Variants in MYO1D observed in about 807,000 individuals in gnomAD.
MYO1D encodes the protein unconventional myosin-Id.
Under a neutral mutation model 122.0 loss-of-function variants are expected in MYO1D, and 83 were observed. The observed-to-expected ratio is 0.68, with a 90% confidence interval of 0.57 to 0.82. The LOEUF is 0.82. Among genes scored for constraint, MYO1D ranks in the 40% least tolerant of loss-of-function variants. The pLI is 0.00. For synonymous variants in MYO1D, 464 were observed against 446.9 expected (o/e 1.04, Z -0.48); for missense variants, 1,157 against 1,269.5 (o/e 0.91, Z 1.35).
chr17:32,695,849 A>G (rs2089164718), intron 16 of MYO1D, among the ~76,000 whole-genome samples: 1 of 152,248 alleles, frequency 6.6e-6, no homozygotes, highest in African/African-American at 2.4e-5. Context: ...AGACTCTACA[A>G]TCTAGCATTT....
chr17:32,515,062 G>A (rs745828892), intron 21 of MYO1D, among the ~76,000 whole-genome samples: 1 of 152,224 alleles, frequency 6.6e-6, no homozygotes, highest in Non-Finnish European at 1.5e-5. Context: ...CTAGTGCCAT[G>A]CCTGGCATCG....
At chr17:32,738,199 C>T in intron 14 of MYO1D, 54 bp downstream of exon 14, 3 of 1,448,990 alleles carry the variant, frequency 2.1e-6, no homozygotes, top group South Asian at 1.4e-5. Flanking sequence ...CTTTATAATA[C>T]ATCAAGAGGA....
At chr17:32,631,646 CT>C (rs983269478) in intron 20 of MYO1D, among the ~76,000 whole-genome samples, 1 of 146,954 alleles carries the variant, frequency 6.8e-6, no homozygotes, top group African/African-American at 2.5e-5. Context: ...GAACCCGTCT[CT>C]TAAAAAAAAA....
At chr17:32,834,443 A>C (rs1366357012) in intron 1 of MYO1D, among the ~76,000 whole-genome samples, 1 of 152,230 alleles carries the variant, frequency 6.6e-6, no homozygotes, top group Non-Finnish European at 1.5e-5. Flanking sequence ...CTCCAAGCTA[A>C]CAACATGTGA....
At chr17:32,625,018 T>C (rs1433029574) in intron 20 of MYO1D, among the ~76,000 whole-genome samples, 3 of 152,176 alleles carry the variant, frequency 2.0e-5, no homozygotes, top group Admixed American at 1.3e-4. Flanking sequence ...CTTGAACTCC[T>C]GGACTCAAGT....
chr17:32,826,182 A>G (rs1344756302), intron 1 of MYO1D, among the ~76,000 whole-genome samples: 1 of 151,786 alleles, frequency 6.6e-6, no homozygotes, highest in Non-Finnish European at 1.5e-5. Context: ...CTCTCCAACT[A>G]TTGGTTAGTT....
intron 21 of MYO1D, among the ~76,000 whole-genome samples, chr17:32,582,610 T>G (rs955344344): frequency 6.6e-6 from 1 of 152,212 alleles, no homozygotes; most frequent in African/African-American, 2.4e-5. Flanking sequence ...AAAGAATGTG[T>G]ATTCTGATGC....
intron 1 of MYO1D, among the ~76,000 whole-genome samples, chr17:32,824,728 A>G (rs1220067327): frequency 6.6e-6 from 1 of 152,220 alleles, no homozygotes; most frequent in East Asian, 1.9e-4. Flanking sequence ...CATTTCTAGT[A>G]AATAGAAAAC....
At chr17:32,812,683 C>T (rs1485159857) in intron 1 of MYO1D, among the ~76,000 whole-genome samples, 6 of 152,138 alleles carry the variant, frequency 3.9e-5, no homozygotes, top group Non-Finnish European at 1.5e-5. Flanking sequence ...CTGGGTAGGA[C>T]AACGGAGAGG....
chr17:32,500,823 G>T (rs1330469487), intron 21 of MYO1D, among the ~76,000 whole-genome samples: 3 of 152,056 alleles, frequency 2.0e-5, no homozygotes, highest in Non-Finnish European at 4.4e-5. Flanking sequence ...TGGCCAACAT[G>T]GTGAAACCCC....
At chr17:32,560,543 A>C (rs1397841668) in intron 21 of MYO1D, among the ~76,000 whole-genome samples, 5,983 of 73,160 alleles carry the variant, frequency 0.082, 963 homozygotes, top group African/African-American at 0.21. Flanking sequence ...ATATATATAT[A>C]TATATATATA....
rs111247346 is a variant in MYO1D, at chr17:32,542,657, G to A, written c.2865-47742C>T. 4.5e-3 allele frequency among the ~76,000 whole-genome samples: 682 copies of A among 150,208 alleles called. 7 individuals carry two copies. Among genetic ancestry groups the A allele is most frequent in the African/African-American group, 0.016 (649 of 40,932 alleles). ...CAACAGTTAGGGGACAAGAAGGAAT[G>A]ACTAGTTGCTAAATATTTCCCGTAT... On this transcript the variant is annotated intron_variant, in intron 21 of 21. Coordinates refer to ENST00000318217, the MANE Select transcript of MYO1D (RefSeq NM_015194.3).
intron 14 of MYO1D, among the ~76,000 whole-genome samples, chr17:32,736,510 C>A (rs79984440): frequency 6.6e-6 from 1 of 152,196 alleles, no homozygotes; most frequent in Non-Finnish European, 1.5e-5. Context: ...AACTTTGGAG[C>A]TGCCATGCCA....
intron 21 of MYO1D, among the ~76,000 whole-genome samples, chr17:32,508,723 G>A (rs1909584590): frequency 1.3e-5 from 2 of 152,180 alleles, no homozygotes; most frequent in South Asian, 4.1e-4. Context: ...GAAATGAGAA[G>A]GCCCAAAGAG....
At chr17:32,728,176 T>C (rs62068430) in intron 14 of MYO1D, among the ~76,000 whole-genome samples, 3,623 of 151,786 alleles carry the variant, frequency 0.024, 65 homozygotes, top group Non-Finnish European at 0.037. Flanking sequence ...TTAGCAAACT[T>C]GACCTAATGG....
At chr17:32,590,787 C>T (rs972441705) in intron 21 of MYO1D, among the ~76,000 whole-genome samples, 1 of 152,116 alleles carries the variant, frequency 6.6e-6, no homozygotes, top group African/African-American at 2.4e-5. Context: ...AAAATTCCAA[C>T]AGATAGCATG....
intron 21 of MYO1D, among the ~76,000 whole-genome samples, chr17:32,515,584 G>A (rs769207461): frequency 1.8e-4 from 28 of 152,252 alleles, no homozygotes; most frequent in Non-Finnish European, 2.9e-4. Flanking sequence ...GAGCCACTGT[G>A]CCCAGCCTTA....
chr17:32,723,430 T>A (rs1335055747), intron 14 of MYO1D, among the ~76,000 whole-genome samples: 5 of 152,234 alleles, frequency 3.3e-5, no homozygotes, highest in Non-Finnish European at 5.9e-5. Flanking sequence ...CAGAGGCCAC[T>A]ATTCTGCCTA....
chr17:32,711,486 A>G (rs2089375440), intron 16 of MYO1D, among the ~76,000 whole-genome samples: 1 of 152,142 alleles, frequency 6.6e-6, no homozygotes, highest in African/African-American at 2.4e-5. Context: ...TCTCTACTAA[A>G]AACACAAAAA....
Sources: gnomAD v4.1 joint callset for allele counts (sites outside exome capture counted in the v4.1 genomes callset) on GRCh38, gnomAD v4.1.1 for gene constraint, MANE v1.5 for transcripts, NCBI Gene and HGNC (gene_info 2026-07-23, HGNC 2026-07-21) for gene names.